The following CFH variants were observed in gnomAD, a reference collection of about 807,000 sequenced individuals.
CFH encodes the protein H factor 1 (complement).
A neutral mutation model predicts 147.3 loss-of-function variants in CFH; 53 were observed. The ratio of observed to expected loss-of-function variants is 0.36; its 90% CI spans 0.29 to 0.45. The LOEUF (loss-of-function observed/expected upper bound fraction) is 0.45, where lower values mean the gene tolerates loss of function less well. Among genes scored for constraint, CFH ranks in the 20% least tolerant of loss-of-function variants. The probability of loss-of-function intolerance (pLI) is 1.00; values close to 1 mark genes in which losing one functional copy is unlikely to be tolerated. For missense variants in CFH, 1,380 were observed against 1,498.0 expected, an observed-to-expected ratio of 0.92 and a Z score of 1.30; for synonymous variants, 536 against 489.4, an observed-to-expected ratio of 1.10 and a Z score of -1.26.
At chr1:196,690,385 A>G (rs766771889) in intron 9 of CFH, 146 bp downstream of exon 9, 2 of 1,099,768 alleles carry the variant, frequency 1.8e-6, no homozygotes, top group Non-Finnish European at 2.8e-6. Flanking sequence ...TGGTTTTTCA[A>G]CTGTGTATAA....
chr1:196,745,856 A>G lies in CFH; in HGVS notation c.3350A>G (p.Asn1117Ser), dbSNP rs1169037502. The change falls in exon 21 of 22, where the codon AAT becomes AGT. Residue 1117 changes from asparagine to serine, a missense_variant. By Grantham distance (46) the Asn-to-Ser change is conservative. Coordinates refer to ENST00000367429, the MANE Select transcript of CFH (RefSeq NM_000186.4). ...GKCGPPPPIDNGDITSFPLSV... is the reference protein window; with the variant it reads ...GKCGPPPPIDSGDITSFPLSV... ...TGTGGGCCCCCTCCACCTATTGACA[A>G]TGGGGACATTACTTCATTCCCGTTG... 8.1e-6 allele frequency: 13 copies of G among 1,614,042 alleles called. No individual in the cohort carries two copies. The highest frequency in any genetic ancestry group is 1.1e-5 in the Non-Finnish European group (13 of 1,180,030).
At chr1:196,697,920 C>T (rs1469315360) in intron 9 of CFH, among the ~76,000 whole-genome samples, 5 of 148,254 alleles carry the variant, frequency 3.4e-5, no homozygotes, top group South Asian at 2.1e-4. Context: ...AACCAAGCAT[C>T]GCATGCTCTC....
At position 196,746,081 on chromosome 1, in the gene CFH, G is replaced by A; in HGVS notation, c.3493+82G>A. 3.7e-6 allele frequency: 6 copies of A among 1,605,346 alleles called. No individual in the cohort carries two copies. In the South Asian group the frequency reaches 5.5e-5, roughly 15 times the overall value. On this transcript the variant is annotated intron_variant, in intron 21 of 21. Transcript: ENST00000367429. The stretch of plus-strand genomic sequence containing the variant: ...CACTGTTTGTAACAAAATACTCACA[G>A]ATTATTGAACAACCATTCTGCTGAA...
intron 1 of CFH, among the ~76,000 whole-genome samples, chr1:196,652,645 G>T (rs954853453): frequency 6.6e-6 from 1 of 151,534 alleles, no homozygotes; most frequent in African/African-American, 2.4e-5. Flanking sequence ...AACTGATATT[G>T]TCATGACCTT....
At chr1:196,742,725 G>T (rs1434909246) in intron 19 of CFH, among the ~76,000 whole-genome samples, 1 of 152,040 alleles carries the variant, frequency 6.6e-6, no homozygotes, top group Non-Finnish European at 1.5e-5. Flanking sequence ...CACCTCCAGG[G>T]AATTCTATTT....
chr1:196,662,181 C>A (rs1253565469), intron 1 of CFH, among the ~76,000 whole-genome samples: 1 of 152,138 alleles, frequency 6.6e-6, no homozygotes, highest in Admixed American at 6.5e-5. Context: ...ATTTTCTCAC[C>A]AACATTTAGA....
chr1:196,697,776 C>T (rs1668325297), intron 9 of CFH, among the ~76,000 whole-genome samples: 1 of 152,010 alleles, frequency 6.6e-6, no homozygotes. Flanking sequence ...CAATGATAGA[C>T]TGGATTAAGA....
At chr1:196,710,164 C>T (rs1668692032) in intron 9 of CFH, among the ~76,000 whole-genome samples, 1 of 152,056 alleles carries the variant, frequency 6.6e-6, no homozygotes, top group Admixed American at 6.6e-5. Context: ...GACCAATTGA[C>T]AACCCAAATT....
intron 11 of CFH, among the ~76,000 whole-genome samples, chr1:196,720,102 G>C (rs1036250422): frequency 2.0e-5 from 3 of 151,694 alleles, no homozygotes; most frequent in African/African-American, 7.2e-5. Flanking sequence ...TTATAAACAT[G>C]ATGAGACCAG....
rs756514818 is a variant in CFH, at chr1:196,741,860, T to C, written c.2957-15T>C. The C allele has an allele frequency of 8.5e-5, 137 of 1,613,090 alleles. No individual in the cohort carries two copies. The highest frequency in any genetic ancestry group is 1.1e-4 in the Non-Finnish European group (130 of 1,179,194). On this transcript the variant is annotated splice_polypyrimidine_tract_variant and intron_variant, in intron 18 of 21. Transcript: ENST00000367429. ...TAAAGATTTGCGGAACAAATACATA[T>C]TTTTCCTATTTCAGAAACAGATTGT...
chr1:196,714,658 T>G lies in CFH; in HGVS notation c.1519+741T>G, dbSNP rs1247674319. ...ATGTATATATATATATATATATATATATATATATATAGAGAGAGAGAGAGA... is the reference window on the plus strand; with the variant it reads ...ATGTATATATATATATATATATATAGATATATATATAGAGAGAGAGAGAGA... On this transcript the variant is annotated intron_variant, in intron 10 of 21. Coordinates refer to ENST00000367429, the MANE Select transcript of CFH (RefSeq NM_000186.4). 6.7e-3 allele frequency among the ~76,000 whole-genome samples: 317 copies of G among 47,260 alleles called. 2 individuals carry two copies. Among genetic ancestry groups the G allele is most frequent in the African/African-American group, 0.015 (181 of 11,950 alleles). 31.0% of individuals were successfully genotyped at this position (47,260 alleles called of 152,430 possible).
intron 2 of CFH, chr1:196,673,462 G>A (rs765626540): frequency 1.1e-4 from 44 of 399,086 alleles, no homozygotes; most frequent in Non-Finnish European, 1.8e-4. Context: ...TCAACTTCCC[G>A]AGTAGCTGGG....
intron 1 of CFH, among the ~76,000 whole-genome samples, chr1:196,656,127 A>C (rs2149066368): frequency 6.6e-6 from 1 of 152,218 alleles, no homozygotes; most frequent in Admixed American, 6.5e-5. Context: ...AAAATGGTGA[A>C]ACCCCATCTC....
At chr1:196,652,368 C>A (rs955231261) in intron 1 of CFH, among the ~76,000 whole-genome samples, 193 bp downstream of exon 1, 6 of 151,620 alleles carry the variant, frequency 4.0e-5, no homozygotes, top group African/African-American at 1.5e-4. Flanking sequence ...TCTAAATATT[C>A]ATCATAATTA....
chr1:196,712,945 C>T (rs540607143), intron 9 of CFH, among the ~76,000 whole-genome samples: 2 of 152,006 alleles, frequency 1.3e-5, no homozygotes, highest in African/African-American at 4.8e-5. Flanking sequence ...AGGACATGAA[C>T]TCCTCATTTT....
At chr1:196,688,284 A>G (rs10922092) in intron 7 of CFH, among the ~76,000 whole-genome samples, 95,555 of 151,740 alleles carry the variant, frequency 0.63, 30,599 homozygotes, top group East Asian at 0.95. Flanking sequence ...TGTATTTGTC[A>G]AAATTAATAT....
chr1:196,722,177 T>A (rs891612479), intron 11 of CFH, among the ~76,000 whole-genome samples: 2 of 152,100 alleles, frequency 1.3e-5, no homozygotes, highest in Non-Finnish European at 2.9e-5. Context: ...TTTATGATAG[T>A]GAGTATTGAC....
At chr1:196,738,119 C>G (rs1357041740) in intron 17 of CFH, among the ~76,000 whole-genome samples, 1 of 152,188 alleles carries the variant, frequency 6.6e-6, no homozygotes, top group Non-Finnish European at 1.5e-5. Context: ...TGAAAACACA[C>G]TCACTATCCT....
intron 21 of CFH, among the ~76,000 whole-genome samples, chr1:196,746,697 C>A (rs529189035): frequency 6.6e-6 from 1 of 152,012 alleles, no homozygotes; most frequent in African/African-American, 2.4e-5. Flanking sequence ...GCTTTCTTAC[C>A]AATTTTCAAA....
Sources: gnomAD v4.1 joint callset for allele counts (sites outside exome capture counted in the v4.1 genomes callset) on GRCh38, gnomAD v4.1.1 for gene constraint, MANE v1.5 for transcripts, NCBI Gene and HGNC (gene_info 2026-07-23, HGNC 2026-07-21) for gene names.